The following PHLDB2 variants were observed in gnomAD, a reference collection of about 807,000 sequenced individuals.
PHLDB2 encodes pleckstrin homology like domain family B member 2.
In PHLDB2, 71 loss-of-function variants were observed where a neutral mutation model predicts 123.6. That is an observed-to-expected ratio of 0.57 (90% confidence interval 0.47 to 0.70). The LOEUF (loss-of-function observed/expected upper bound fraction) is 0.70. Among genes scored for constraint, PHLDB2 ranks in the 30% least tolerant of loss-of-function variants. The pLI is 0.00. For synonymous variants in PHLDB2, 547 were observed against 541.6 expected (o/e 1.01, Z -0.14); for missense variants, 1,446 against 1,519.5 (o/e 0.95, Z 0.80).
intron 2 of PHLDB2, among the ~76,000 whole-genome samples, chr3:111,893,457 T>A (rs2107386159): frequency 6.6e-6 from 1 of 152,220 alleles, no homozygotes; most frequent in South Asian, 2.1e-4. Flanking sequence ...CCCAATAAAC[T>A]TAGTGGCTCA....
intron 5 of PHLDB2, among the ~76,000 whole-genome samples, chr3:111,926,100 T>C (rs1321986942): frequency 7.9e-5 from 12 of 152,256 alleles, no homozygotes; most frequent in Admixed American, 7.9e-4. Flanking sequence ...GTAGCCATCC[T>C]AGCCTGCACT....
intron 1 of PHLDB2, among the ~76,000 whole-genome samples, chr3:111,866,013 C>CTTTTTTTTTTTTTTTT (rs1239058039): frequency 4.2e-5 from 2 of 47,672 alleles, no homozygotes; most frequent in Admixed American, 3.2e-4. Flanking sequence ...CCCACCCACT[C>CTTTTTTTTTTTTTTTT]ATTTTTTTTT....
chr3:111,926,973 A>G (rs1024199850), intron 5 of PHLDB2, among the ~76,000 whole-genome samples: 2 of 152,174 alleles, frequency 1.3e-5, no homozygotes, highest in Non-Finnish European at 2.9e-5. Context: ...CCTGACTTAT[A>G]TAGTATCATG....
At chr3:111,921,895 C>A (rs932104717) in intron 5 of PHLDB2, among the ~76,000 whole-genome samples, 3 of 152,192 alleles carry the variant, frequency 2.0e-5, no homozygotes, top group African/African-American at 4.8e-5. Context: ...AGCCGCCGCG[C>A]CCGGCCCAAA....
intron 1 of PHLDB2, among the ~76,000 whole-genome samples, chr3:111,881,763 C>A (rs1001696971): frequency 7.2e-6 from 1 of 139,602 alleles, no homozygotes; most frequent in African/African-American, 2.6e-5. Flanking sequence ...TCATCACATA[C>A]CTCACTTTTC....
chr3:111,857,751 G>T (rs555065967), upstream of PHLDB2, among the ~76,000 whole-genome samples: 3 of 152,100 alleles, frequency 2.0e-5, no homozygotes, highest in Non-Finnish European at 4.4e-5. Context: ...AAACCACAAC[G>T]AGATACCATC....
Position 111,969,871 on chromosome 3 carries a change from T to C in PHLDB2, c.3497T>C (p.Val1166Ala). The change falls in exon 16 of 18, where the codon GTT becomes GCT. Residue 1166 changes from valine (V) to alanine (A), a missense_variant. Physicochemically the swap from Val to Ala is moderately conservative, Grantham distance 64. Around this residue, in one of 3 missense-constraint regions of PHLDB2, gnomAD observed 594 missense variants for 646.0 expected, o/e 0.92. Transcript: ENST00000431670. Reference sequence around the variant, plus strand: ...AAAACGTGGAAAAAACGTTGGTTTGTTTTTGATCGGAACAAGCGAACATTC... The same window carrying C: ...AAAACGTGGAAAAAACGTTGGTTTGCTTTTGATCGGAACAAGCGAACATTC... ...KIKTWKKRWF[V>A]FDRNKRTFSY... is the part of the protein sequence containing the mutation. 1 of 1,614,010 alleles carries C rather than the reference T, an allele frequency of 6.2e-7. No individual in the cohort carries two copies.
At chr3:111,949,774 T>A in intron 10 of PHLDB2, 1 of 985,774 alleles carries the variant, frequency 1.0e-6, no homozygotes, top group Non-Finnish European at 1.2e-6. Flanking sequence ...TCAACATACA[T>A]CAGCCCCATG....
intron 1 of PHLDB2, among the ~76,000 whole-genome samples, chr3:111,861,136 C>A (rs58775714): frequency 6.6e-6 from 1 of 152,144 alleles, no homozygotes; most frequent in African/African-American, 2.4e-5. Context: ...ACAGAACTGT[C>A]GGATTTGGGA....
At chr3:111,911,412 C>T (rs1325055150) in intron 2 of PHLDB2, among the ~76,000 whole-genome samples, 1 of 152,188 alleles carries the variant, frequency 6.6e-6, no homozygotes, top group Non-Finnish European at 1.5e-5. Flanking sequence ...CATCTTGTCC[C>T]TCTCCCTCTC....
At chr3:111,818,342 C>G (rs2062199991) in intron 1 of PHLDB2, among the ~76,000 whole-genome samples, 1 of 152,136 alleles carries the variant, frequency 6.6e-6, no homozygotes. Context: ...TATCTAAACT[C>G]AGCACAAATA....
chr3:111,940,512 TATGATC>T lies in PHLDB2; in HGVS notation c.2287-20_2287-15del. On this transcript the variant is annotated splice_polypyrimidine_tract_variant and intron_variant, in intron 7 of 17. Transcript: ENST00000431670. ...TTTGAGTGTCTAATGTACATCTTCC[TATGATC>T]ATCTCTTTTCCTCCAGGAAAAAATT... 1.5e-5 allele frequency: 21 copies of T among 1,432,934 alleles called. No homozygotes were observed. Among genetic ancestry groups the T allele is most frequent in the Non-Finnish European group, 1.9e-5 (20 of 1,028,456 alleles). 88.8% of individuals were successfully genotyped at this position (1,432,934 alleles called of 1,614,324 possible).
At chr3:111,868,445 T>A (rs1182574248) in intron 1 of PHLDB2, among the ~76,000 whole-genome samples, 2 of 152,154 alleles carry the variant, frequency 1.3e-5, no homozygotes, top group East Asian at 3.8e-4. Context: ...CCTCTTGTTT[T>A]TTTTTCCCCC....
At chr3:111,748,467 C>T (rs367776688) in intron 1 of PHLDB2, among the ~76,000 whole-genome samples, 168 of 152,274 alleles carry the variant, frequency 1.1e-3, no homozygotes, top group African/African-American at 3.8e-3. Context: ...CACTTGGTGA[C>T]CCTGTGAGGC....
chr3:111,935,967 C>A (rs764710705), intron 6 of PHLDB2, among the ~76,000 whole-genome samples: 1 of 152,110 alleles, frequency 6.6e-6, no homozygotes, highest in African/African-American at 2.4e-5. Context: ...TAGATTATTT[C>A]AACTGTCTTT....
intron 13 of PHLDB2, among the ~76,000 whole-genome samples, chr3:111,962,929 C>CAAAAAAAAAAAAAA (rs57625439): frequency 1.5e-4 from 14 of 93,756 alleles, no homozygotes; most frequent in East Asian, 4.4e-4. Flanking sequence ...AACTCCATCT[C>CAAAAAAAAAAAAAA]AAAAAAAAAA....
Position 111,948,456 on chromosome 3 carries a change from A to T in PHLDB2, c.2488-476A>T, listed in dbSNP as rs143428171. Among the ~76,000 whole-genome samples the T allele has an allele frequency of 2.6e-5, 4 of 152,296 alleles. No homozygotes were observed. In the East Asian group the frequency reaches 7.7e-4, roughly 29 times the overall value. On this transcript the variant is annotated intron_variant, in intron 9 of 17. Coordinates refer to ENST00000431670, the MANE Select transcript of PHLDB2 (RefSeq NM_001134438.2). ...CAGTAGCCCTCAGCCCATTTTCCTC[A>T]CACTTTAATTCATCAGGAAACAGAA...
At chr3:111,953,463 T>G (rs965762403) in intron 11 of PHLDB2, among the ~76,000 whole-genome samples, 7 of 152,204 alleles carry the variant, frequency 4.6e-5, no homozygotes, top group African/African-American at 9.6e-5. Context: ...TTTTGCTATT[T>G]TTAAAAAATG....
intron 1 of PHLDB2, among the ~76,000 whole-genome samples, chr3:111,801,080 T>G (rs865844087): frequency 2.1e-4 from 32 of 152,210 alleles, no homozygotes; most frequent in Admixed American, 1.3e-3. Flanking sequence ...ACATGAGCTG[T>G]GGGGTCAAAT....
Sources: gnomAD v4.1 joint callset for allele counts (sites outside exome capture counted in the v4.1 genomes callset) on GRCh38, gnomAD v4.1.1 for gene constraint, gnomAD v4.1.1 regional missense constraint, MANE v1.5 for transcripts, NCBI Gene and HGNC (gene_info 2026-07-23, HGNC 2026-07-21) for gene names.